STK3: variants seen among roughly 807,000 people sequenced by gnomAD.
STK3 encodes serine/threonine-protein kinase 3.
Under a neutral mutation model 58.0 loss-of-function variants are expected in STK3, and 41 were observed. The observed-to-expected ratio is 0.71, with a 90% confidence interval of 0.55 to 0.92. STK3 has a LOEUF of 0.92. STK3 is among the 40% of genes least tolerant of loss of function. The probability of loss-of-function intolerance (pLI) is 0.00; values close to 1 mark genes in which losing one functional copy is unlikely to be tolerated. For missense variants in STK3, 479 were observed against 602.7 expected, an observed-to-expected ratio of 0.79 and a Z score of 2.15; for synonymous variants, 170 against 191.0, an observed-to-expected ratio of 0.89 and a Z score of 0.91.
intron 1 of STK3, among the ~76,000 whole-genome samples, chr8:98,929,477 C>T (rs542906754): frequency 2.0e-5 from 3 of 152,164 alleles, no homozygotes; most frequent in Non-Finnish European, 4.4e-5. Context: ...GGGAACGTGG[C>T]GAAACCCCAT....
At chr8:98,908,803 A>C (rs1839016154) in intron 1 of STK3, among the ~76,000 whole-genome samples, 1 of 145,324 alleles carries the variant, frequency 6.9e-6, no homozygotes, top group Non-Finnish European at 1.5e-5. Context: ...AGATAACACC[A>C]TTGCATTCCA....
At position 98,800,027 on chromosome 8, in the gene STK3, C is replaced by T. The variant is rs1255045242; in HGVS notation, c.27-25208G>A. 6.6e-6 allele frequency among the ~76,000 whole-genome samples: 1 copy of T among 152,010 alleles called. No individual in the cohort carries two copies. The highest frequency in any genetic ancestry group is 1.5e-5 in the Non-Finnish European group (1 of 67,998). ...ACCCAGCGTTTACAGGAAAAGGCTT[C>T]TGAAATCAGACGCCTTTCAAATTCT... On this transcript the variant is annotated intron_variant, in intron 1 of 10. Coordinates refer to ENST00000419617, the MANE Select transcript of STK3 (RefSeq NM_006281.4). The surrounding 1 kb of genome is among the most constrained non-coding windows in gnomAD (Gnocchi z 4.8).
At chr8:98,443,636 TCA>T (rs1818782937) in intron 1 of STK3, among the ~76,000 whole-genome samples, 1 of 152,002 alleles carries the variant, frequency 6.6e-6, no homozygotes, top group African/African-American at 2.4e-5. Flanking sequence ...TCAGTTGAGG[TCA>T]GGAGTTTGAG....
At chr8:98,500,654 T>C (rs1245685136) in intron 10 of STK3, among the ~76,000 whole-genome samples, 2 of 152,102 alleles carry the variant, frequency 1.3e-5, no homozygotes, top group African/African-American at 2.4e-5. Flanking sequence ...TGAGAACATG[T>C]GGTGTTTGAT....
chr8:98,733,783 T>C (rs1239100740), intron 4 of STK3, among the ~76,000 whole-genome samples: 1 of 152,198 alleles, frequency 6.6e-6, no homozygotes, highest in Non-Finnish European at 1.5e-5. Context: ...TTATTTGTAC[T>C]TCTAGTGAAC....
chr8:98,686,282 T>C (rs1823992995), intron 6 of STK3, among the ~76,000 whole-genome samples: 1 of 152,176 alleles, frequency 6.6e-6, no homozygotes, highest in Non-Finnish European at 1.5e-5. Flanking sequence ...TGACATTTAA[T>C]TTCTCTGACA....
intron 10 of STK3, 90 bp from the exon 11 acceptor site, chr8:98,456,090 G>A: frequency 8.1e-7 from 1 of 1,236,022 alleles, no homozygotes. Context: ...TGTCTAATGA[G>A]TTTTAACATA....
At chr8:98,938,085 T>C (rs1840259640) in intron 1 of STK3, among the ~76,000 whole-genome samples, 1 of 152,190 alleles carries the variant, frequency 6.6e-6, no homozygotes, top group East Asian at 1.9e-4. Flanking sequence ...ATGGTCAGTA[T>C]GAAAATTCAT....
downstream of STK3, among the ~76,000 whole-genome samples, chr8:98,454,199 C>T (rs1354956829): frequency 6.6e-6 from 1 of 152,172 alleles, no homozygotes; most frequent in Non-Finnish European, 1.5e-5. Context: ...CATTAGTGAA[C>T]TCATCAGCTT....
rs141810771 is a variant in STK3 at position 98,554,620 on chromosome 8, T to C, written c.949-6459A>G. Among the ~76,000 whole-genome samples the C allele has an allele frequency of 2.0e-4, 30 of 152,222 alleles. No homozygotes were observed. In the East Asian group the frequency reaches 5.4e-3, roughly 28 times the overall value. On this transcript the variant is annotated intron_variant, in intron 8 of 10. Coordinates refer to ENST00000419617, the MANE Select transcript of STK3 (RefSeq NM_006281.4). Reference sequence around the variant, plus strand: ...AAAGAATGCTAATCTAATTTACAAATTGACAGTAAAAAATAGCAATAAAAA... The same window carrying C: ...AAAGAATGCTAATCTAATTTACAAACTGACAGTAAAAAATAGCAATAAAAA...
chr8:98,572,972 C>G (rs1451435533), intron 8 of STK3, among the ~76,000 whole-genome samples: 1 of 151,366 alleles, frequency 6.6e-6, no homozygotes, highest in African/African-American at 2.4e-5. Context: ...TTTAAGTGCT[C>G]ATAATATTTC....
At chr8:98,449,982 G>A (rs1395190499), downstream of STK3, among the ~76,000 whole-genome samples, 3 of 152,068 alleles carry the variant, frequency 2.0e-5, no homozygotes, top group African/African-American at 4.8e-5. Context: ...GGTTCTTGAC[G>A]TTCCCAGCCT....
chr8:98,831,064 T>C (rs557372470), intron 3 of STK3, among the ~76,000 whole-genome samples: 41 of 151,938 alleles, frequency 2.7e-4, no homozygotes, highest in African/African-American at 8.0e-4. Flanking sequence ...ACTTTAATTA[T>C]ACTAGCAAAC....
intron 3 of STK3, among the ~76,000 whole-genome samples, chr8:98,750,626 A>T (rs1448465632): frequency 6.6e-6 from 1 of 152,006 alleles, no homozygotes; most frequent in African/African-American, 2.4e-5. Flanking sequence ...CCAAAAAAAA[A>T]AACCACCCAG....
rs748322141 is a variant in STK3, at chr8:98,579,747, C to A, written c.865G>T (p.Asp289Tyr). 3 of 1,604,418 alleles carry A rather than the reference C, an allele frequency of 1.9e-6. No homozygotes were observed. Among genetic ancestry groups the A allele is most frequent in the Non-Finnish European group, 1.7e-6 (2 of 1,177,224 alleles). The change falls in exon 8 of 11, where the codon GAC becomes TAC. Residue 289 changes from aspartate (D) to tyrosine (Y), a missense_variant. Asp to Tyr is a radical substitution (Grantham distance 160). This residue lies in a region of STK3 where 309 missense variants were observed against 355.7 expected (regional missense o/e 0.87). Transcript: ENST00000419617. ...ATCTCCATAGCTTCTGTGATCAGGT[C>A]TCTTAATATTGATACAGGTTTGGCA... is the stretch of plus-strand genomic sequence containing the variant. ...KNAKPVSILR[D>Y]LITEAMEIKA...
At chr8:98,629,561 T>G (rs1819019757) in intron 6 of STK3, among the ~76,000 whole-genome samples, 1 of 152,144 alleles carries the variant, frequency 6.6e-6, no homozygotes, top group Admixed American at 6.5e-5. Flanking sequence ...TTGTGGCTAC[T>G]GATTCGAAAA....
At chr8:98,553,292 T>C (rs1811328553) in intron 8 of STK3, 1 of 152,180 alleles carries the variant, frequency 6.6e-6, no homozygotes. Flanking sequence ...GTGCTTATGC[T>C]GATTTTACAG....
At chr8:98,430,240 C>T (rs1818308801) in intron 3 of STK3, 2 of 167,022 alleles carry the variant, frequency 1.2e-5, no homozygotes, top group African/African-American at 4.8e-5. Flanking sequence ...ACAGTCAAGC[C>T]TCCTTGTTTC....
intron 1 of STK3, among the ~76,000 whole-genome samples, chr8:98,936,144 T>C (rs1397931936): frequency 6.6e-6 from 1 of 152,140 alleles, no homozygotes; most frequent in Non-Finnish European, 1.5e-5. Flanking sequence ...GGTCTCGATC[T>C]CCTAAGCTTG....
Sources: gnomAD v4.1 joint callset for allele counts (sites outside exome capture counted in the v4.1 genomes callset) on GRCh38, gnomAD v4.1.1 for gene constraint, gnomAD v4.1.1 regional missense constraint, Gnocchi (gnomAD v3.1) non-coding constraint, MANE v1.5 for transcripts, NCBI Gene and HGNC (gene_info 2026-07-23, HGNC 2026-07-21) for gene names.